Variants in POC1A observed in about 807,000 individuals in gnomAD.
The protein encoded by POC1A is POC1 centriolar protein homolog A.
POC1A carries 34 observed loss-of-function variants against 47.8 expected under a neutral mutation model. The observed-to-expected ratio is 0.71, with a 90% CI of 0.54 to 0.95. The LOEUF (loss-of-function observed/expected upper bound fraction) is 0.95. Among genes scored for constraint, POC1A ranks in the 40% least tolerant of loss-of-function variants. The pLI is 0.00. For synonymous variants in POC1A, 177 were observed against 207.6 expected, an observed-to-expected ratio of 0.85 and a Z score of 1.27; for missense variants, 466 against 528.3, an observed-to-expected ratio of 0.88 and a Z score of 1.16.
chr3:52,134,283 G>T (rs1321149035), intron 7 of POC1A, among the ~76,000 whole-genome samples: 1 of 152,170 alleles, frequency 6.6e-6, no homozygotes, highest in Non-Finnish European at 1.5e-5. Context: ...ATTTAAAAAT[G>T]GTAAAGATGG....
At chr3:52,138,850 GA>G (rs1698082878) in intron 6 of POC1A, among the ~76,000 whole-genome samples, 1 of 152,090 alleles carries the variant, frequency 6.6e-6, no homozygotes, top group Non-Finnish European at 1.5e-5. Context: ...GACGTTTTTT[GA>G]GAGACAGAGT....
rs534215525 is a variant in POC1A at position 52,091,860 on chromosome 3, C to A, written c.1125+4709G>T. The stretch of plus-strand genomic sequence containing the variant: ...AGCCGCACAGCAGAGCTCAGAGGAC[C>A]CAATGAGGCATCTCTCCCCATTTTA... On this transcript the variant is annotated intron_variant, in intron 10 of 10. Coordinates refer to ENST00000296484, the MANE Select transcript of POC1A (RefSeq NM_015426.5). Among the ~76,000 whole-genome samples the A allele has an allele frequency of 8.5e-5, 13 of 152,316 alleles. No homozygotes were observed. In the South Asian group the frequency reaches 2.7e-3, roughly 32 times the overall value.
intron 8 of POC1A, among the ~76,000 whole-genome samples, chr3:52,124,373 T>C (rs945906497): frequency 3.3e-5 from 5 of 152,164 alleles, no homozygotes; most frequent in Admixed American, 6.5e-5. Context: ...AGACAGGTCA[T>C]TGGTGGTTAG....
intron 10 of POC1A, among the ~76,000 whole-genome samples, chr3:52,087,573 G>T (rs576791996): frequency 6.6e-6 from 1 of 152,094 alleles, no homozygotes; most frequent in Non-Finnish European, 1.5e-5. Context: ...AGCTCTCTTC[G>T]GGAAGTACAC....
intron 9 of POC1A, among the ~76,000 whole-genome samples, chr3:52,120,977 T>C (rs1320162816): frequency 2.0e-5 from 3 of 152,184 alleles, no homozygotes; most frequent in Admixed American, 1.3e-4. Context: ...TCCCTTGAAA[T>C]GGGGAAAAGC....
rs1702218554 is a variant in POC1A, at chr3:52,079,453, CG to C, written c.1126-3469del. On this transcript the variant is annotated intron_variant, in intron 10 of 10. Transcript: ENST00000296484. The surrounding 1 kb of genome is among the most constrained non-coding windows in gnomAD (Gnocchi z 4.6). ...CAGGCAAATACCTCTGCGGCCTCCC[CG>C]GGTCCACACTCCATGGCCTGGAAGC... 1.3e-5 allele frequency among the ~76,000 whole-genome samples: 2 copies of C among 152,216 alleles called. No homozygotes were observed. Among genetic ancestry groups the C allele is most frequent in the Non-Finnish European group, 2.9e-5 (2 of 68,036 alleles).
chr3:52,121,526 C>T (rs1703780244), intron 9 of POC1A, among the ~76,000 whole-genome samples: 1 of 152,178 alleles, frequency 6.6e-6, no homozygotes, highest in South Asian at 2.1e-4. Context: ...GATGGAGGGT[C>T]TATCTGCTGC....
At chr3:52,092,932 C>T (rs76625387) in intron 10 of POC1A, among the ~76,000 whole-genome samples, 35 of 152,274 alleles carry the variant, frequency 2.3e-4, no homozygotes, top group Non-Finnish European at 4.3e-4. Flanking sequence ...TGGCTTGCTC[C>T]GGAGACCAGG....
At chr3:52,138,375 C>A in intron 6 of POC1A, 73 bp from the exon 7 acceptor site, 1 of 1,503,252 alleles carries the variant, frequency 6.7e-7, no homozygotes, top group Admixed American at 2.0e-5. Flanking sequence ...GACGGGCAAT[C>A]AGGGCCAATC....
chr3:52,080,131 G>T (rs1702236360), intron 10 of POC1A, among the ~76,000 whole-genome samples: 1 of 152,148 alleles, frequency 6.6e-6, no homozygotes, highest in South Asian at 2.1e-4. Flanking sequence ...CCATTTTACA[G>T]ATGAAGAAAC....
intron 7 of POC1A, among the ~76,000 whole-genome samples, chr3:52,135,481 T>TC (rs1034721592): frequency 6.6e-6 from 1 of 152,170 alleles, no homozygotes; most frequent in Non-Finnish European, 1.5e-5. Context: ...CTTCCCAGGC[T>TC]CAAGCAATCT....
intron 6 of POC1A, among the ~76,000 whole-genome samples, chr3:52,142,129 A>G (rs554842103): frequency 3.0e-4 from 45 of 152,362 alleles, no homozygotes; most frequent in African/African-American, 1.0e-3. Context: ...CATGCTCCGC[A>G]TCTGTGAAAT....
chr3:52,122,996 C>T (rs1350050492), intron 8 of POC1A, among the ~76,000 whole-genome samples: 1 of 152,264 alleles, frequency 6.6e-6, no homozygotes, highest in Admixed American at 6.5e-5. Context: ...GTGGTTAACA[C>T]ATGGCCTCCA....
intron 9 of POC1A, among the ~76,000 whole-genome samples, chr3:52,114,171 C>A (rs1703478242): frequency 6.6e-6 from 1 of 152,232 alleles, no homozygotes; most frequent in Non-Finnish European, 1.5e-5. Context: ...CCAGAAGTTT[C>A]TAGTATCCAC....
chr3:52,096,450 A>C, intron 10 of POC1A, 119 bp downstream of exon 10: 1 of 892,264 alleles, frequency 1.1e-6, no homozygotes, highest in African/African-American at 1.7e-5. Context: ...GGACTGGAAA[A>C]CAGGTCCGTT....
chr3:52,146,284 T>G (rs559923850), intron 5 of POC1A, among the ~76,000 whole-genome samples: 1 of 152,236 alleles, frequency 6.6e-6, no homozygotes, highest in Non-Finnish European at 1.5e-5. Flanking sequence ...TTGGAGCTGG[T>G]ACCCTTCCCA....
intron 10 of POC1A, among the ~76,000 whole-genome samples, chr3:52,082,037 T>A (rs1007917734): frequency 6.6e-6 from 1 of 151,326 alleles, no homozygotes; most frequent in African/African-American, 2.4e-5. Flanking sequence ...ACAGGCTGAG[T>A]ATGAGGACCC....
chr3:52,136,558 G>C (rs1169175207), intron 7 of POC1A, among the ~76,000 whole-genome samples: 1 of 152,184 alleles, frequency 6.6e-6, no homozygotes, highest in Non-Finnish European at 1.5e-5. Context: ...AATGAACAGA[G>C]GTCGTTGGTT....
At chr3:52,109,034 C>T (rs1336128827) in intron 9 of POC1A, among the ~76,000 whole-genome samples, 2 of 152,168 alleles carry the variant, frequency 1.3e-5, no homozygotes, top group Non-Finnish European at 2.9e-5. Context: ...CCCAGACGCG[C>T]CCCCTTCCCC....
Sources: gnomAD v4.1 joint callset for allele counts (sites outside exome capture counted in the v4.1 genomes callset) on GRCh38, gnomAD v4.1.1 for gene constraint, Gnocchi (gnomAD v3.1) non-coding constraint, MANE v1.5 for transcripts, NCBI Gene and HGNC (gene_info 2026-07-23, HGNC 2026-07-21) for gene names.